MSRB3: variants seen among roughly 807,000 people sequenced by gnomAD.
MSRB3 encodes the protein methionine sulfoxide reductase B3, also known as methionine-R-sulfoxide reductase B3.
A neutral mutation model predicts 21.0 loss-of-function variants in MSRB3; 13 were observed. The ratio of observed to expected loss-of-function variants is 0.62; its 90% CI spans 0.40 to 0.98. The LOEUF (loss-of-function observed/expected upper bound fraction) is 0.98, where lower values mean the gene tolerates loss of function less well. MSRB3 is among the 50% of genes least tolerant of loss of function. The probability of loss-of-function intolerance (pLI) is 0.00; values close to 1 mark genes in which losing one functional copy is unlikely to be tolerated. For missense variants in MSRB3, 199 were observed against 230.3 expected (o/e 0.86, Z 0.88); for synonymous variants, 87 against 88.6 (o/e 0.98, Z 0.10).
intron 2 of MSRB3, chr12:65,308,915 T>C: frequency 1.9e-6 from 1 of 535,516 alleles, no homozygotes; most frequent in Non-Finnish European, 3.4e-6. Flanking sequence ...TCTTGTTCTT[T>C]AATGCACACT....
intron 2 of MSRB3, among the ~76,000 whole-genome samples, chr12:65,320,803 C>T (rs1174287051): frequency 6.6e-6 from 1 of 152,138 alleles, no homozygotes; most frequent in Non-Finnish European, 1.5e-5. Flanking sequence ...TTGTAAATTT[C>T]CTGGTTTAAA....
intron 5 of MSRB3, among the ~76,000 whole-genome samples, chr12:65,438,050 A>G (rs1882200910): frequency 6.6e-6 from 1 of 151,982 alleles, no homozygotes; most frequent in Non-Finnish European, 1.5e-5. Context: ...AACCACTTAA[A>G]TATAGATTCC....
intron 5 of MSRB3, among the ~76,000 whole-genome samples, chr12:65,404,151 C>G (rs1349251704): frequency 6.6e-6 from 1 of 152,244 alleles, no homozygotes; most frequent in East Asian, 1.9e-4. Flanking sequence ...TCATAGTGCA[C>G]TACAATCTCA....
chr12:65,400,252 G>A (rs1248877425), intron 5 of MSRB3, among the ~76,000 whole-genome samples: 1 of 149,224 alleles, frequency 6.7e-6, no homozygotes, highest in Non-Finnish European at 1.5e-5. Flanking sequence ...TTTTTTTTTG[G>A]TTGGTAGGCT....
intron 5 of MSRB3, among the ~76,000 whole-genome samples, chr12:65,416,658 T>G (rs569367883): frequency 6.6e-6 from 1 of 152,340 alleles, no homozygotes; most frequent in Non-Finnish European, 1.5e-5. Context: ...ATAGAAAAGG[T>G]AATGCATTGC....
intron 5 of MSRB3, among the ~76,000 whole-genome samples, chr12:65,402,198 A>G (rs972874310): frequency 6.6e-6 from 1 of 152,118 alleles, no homozygotes; most frequent in Non-Finnish European, 1.5e-5. Context: ...TATTTTCCTG[A>G]AGAGTGTTTT....
chr12:65,401,330 C>G (rs1195433139), intron 5 of MSRB3, among the ~76,000 whole-genome samples: 1 of 152,166 alleles, frequency 6.6e-6, no homozygotes, highest in African/African-American at 2.4e-5. Context: ...ATACTTAGCT[C>G]TTCTTGTTGC....
intron 1 of MSRB3, among the ~76,000 whole-genome samples, chr12:65,288,167 G>A (rs1302706152): frequency 6.6e-6 from 1 of 151,838 alleles, no homozygotes; most frequent in African/African-American, 2.4e-5. Flanking sequence ...GCTGGGCGTG[G>A]TGGTGTGTGC....
In MSRB3 at chr12:65,381,073, C is replaced by T. The variant is rs563136593; in HGVS notation, c.292+12047C>T. 5.3e-5 allele frequency among the ~76,000 whole-genome samples: 8 copies of T among 152,258 alleles called. No homozygotes were observed. The South Asian group carries it at 1.7e-3, about 32-fold the overall frequency. On this transcript the variant is annotated intron_variant, in intron 5 of 6. Coordinates refer to ENST00000308259, the MANE Select transcript of MSRB3 (RefSeq NM_001031679.3). The stretch of plus-strand genomic sequence containing the variant: ...ACTGTAAGAATTTTAATTAAAATAA[C>T]ATGCATTTATTCCCCCAGCATTAAA...
rs1883412856 is a variant in MSRB3 at position 65,463,262 on chromosome 12, C to T, written c.498C>T (p.Gly166=). ...ALSFTPADSS[G]TAEGGSGVAS... is the part of the protein sequence containing the mutation. Reference sequence around the variant, plus strand: ...CTTTTACACCTGCGGATAGCAGTGGCACCGCCGAGGGAGGCAGTGGGGTCG... The same window carrying T: ...CTTTTACACCTGCGGATAGCAGTGGTACCGCCGAGGGAGGCAGTGGGGTCG... The change falls in exon 7 of 7, where the codon GGC becomes GGT. Residue 166 remains glycine, a synonymous_variant. Coordinates refer to ENST00000308259, the MANE Select transcript of MSRB3 (RefSeq NM_001031679.3). 6.2e-7 allele frequency: 1 copy of T among 1,614,198 alleles called. No homozygotes were observed. The highest frequency in any genetic ancestry group is 1.3e-5 in the African/African-American group (1 of 75,040).
At chr12:65,339,918 A>G (rs1024263612) in intron 4 of MSRB3, among the ~76,000 whole-genome samples, 1 of 152,200 alleles carries the variant, frequency 6.6e-6, no homozygotes, top group East Asian at 1.9e-4. Flanking sequence ...AGAGGATAGG[A>G]TGAACCCTCT....
At chr12:65,413,892 A>G (rs1880840349) in intron 5 of MSRB3, among the ~76,000 whole-genome samples, 1 of 152,192 alleles carries the variant, frequency 6.6e-6, no homozygotes, top group Admixed American at 6.5e-5. Flanking sequence ...CATGTAAGCA[A>G]ACATATGCAG....
At chr12:65,424,206 C>A (rs1296367656) in intron 5 of MSRB3, among the ~76,000 whole-genome samples, 1 of 146,974 alleles carries the variant, frequency 6.8e-6, no homozygotes, top group Non-Finnish European at 1.5e-5. Context: ...ATTTTGTTGT[C>A]TTTTTTTTTT....
chr12:65,351,278 C>G (rs1237650706), intron 4 of MSRB3, among the ~76,000 whole-genome samples: 5 of 149,456 alleles, frequency 3.3e-5, no homozygotes, highest in Admixed American at 6.6e-5. Context: ...AACAAAGACA[C>G]AACATACCAG....
intron 5 of MSRB3, among the ~76,000 whole-genome samples, chr12:65,430,998 TA>T (rs1881850572): frequency 6.6e-6 from 1 of 152,130 alleles, no homozygotes; most frequent in Non-Finnish European, 1.5e-5. Flanking sequence ...TTTGCCTACA[TA>T]ACACATAAAT....
intron 1 of MSRB3, chr12:65,284,025 GC>G (rs1386850611): frequency 6.6e-6 from 1 of 152,168 alleles, no homozygotes; most frequent in East Asian, 1.9e-4. Context: ...AAGGAAATCA[GC>G]TTTTGTTGAG....
chr12:65,356,853 C>G (rs141908239), intron 4 of MSRB3, among the ~76,000 whole-genome samples: 1 of 151,718 alleles, frequency 6.6e-6, no homozygotes, highest in Admixed American at 6.6e-5. Flanking sequence ...TTTTCTGTCC[C>G]CAAGTTAAGT....
In MSRB3 at chr12:65,350,680, G is replaced by A. The variant is rs547173394; in HGVS notation, c.264-18318G>A. Among the ~76,000 whole-genome samples the A allele has an allele frequency of 1.7e-4, 24 of 141,578 alleles. No individual in the cohort carries two copies. In the East Asian group the frequency reaches 4.9e-3, roughly 29 times the overall value. 92.9% of individuals were successfully genotyped at this position (141,578 alleles called of 152,430 possible). ...TGCAATCCTAGTCTCTGATAAAACA[G>A]ACTTTAAACCAACAAAGATCAAAAG... On this transcript the variant is annotated intron_variant, in intron 4 of 6. Coordinates refer to ENST00000308259, the MANE Select transcript of MSRB3 (RefSeq NM_001031679.3).
rs374713275 is a variant in MSRB3 at position 65,377,090 on chromosome 12, T to C, written c.292+8064T>C. On this transcript the variant is annotated intron_variant, in intron 5 of 6. Coordinates refer to ENST00000308259, the MANE Select transcript of MSRB3 (RefSeq NM_001031679.3). ...ACCTTTTAATGCTCACCTCAAACAT[T>C]ACTATATCAATTAAATGTAGCCTTC... 2.6e-5 allele frequency among the ~76,000 whole-genome samples: 4 copies of C among 152,288 alleles called. No individual in the cohort carries two copies. The East Asian group carries it at 5.8e-4, about 22-fold the overall frequency.
Sources: allele counts gnomAD v4.1 joint callset (sites outside exome capture counted in the v4.1 genomes callset), GRCh38; gene constraint gnomAD v4.1.1; transcripts MANE v1.5; gene names NCBI Gene and HGNC (gene_info 2026-07-23, HGNC 2026-07-21).